Variants in HDAC8 observed in about 807,000 individuals in gnomAD.
HDAC8 encodes the protein histone deacetylase 8, also known as histone deacetylase-like 1.
HDAC8 carries 1 observed loss-of-function variant against 32.2 expected under a neutral mutation model. That is an observed-to-expected ratio of 0.03 (90% confidence interval 0.01 to 0.15). HDAC8 has a LOEUF of 0.15. HDAC8 is among the 10% of genes least tolerant of loss of function. HDAC8 has a pLI of 1.00. For missense variants in HDAC8, 117 were observed against 300.0 expected (o/e 0.39, Z 4.51); for synonymous variants, 108 against 113.9 (o/e 0.95, Z 0.33).
intron 4 of HDAC8, among the ~76,000 whole-genome samples, chrX:72,504,708 T>C (rs927075064): frequency 1.1e-4 from 12 of 112,195 alleles, no homozygotes; most frequent in Admixed American, 9.5e-5. Context: ...TTTTGAATAT[T>C]TATACTTAGA....
At chrX:72,437,985 A>C (rs1216240130) in intron 9 of HDAC8, among the ~76,000 whole-genome samples, 4 of 112,131 alleles carry the variant, frequency 3.6e-5, no homozygotes, top group Admixed American at 2.8e-4. Context: ...ACAGTGCTCG[A>C]GCTCTGCTAA....
chrX:72,331,643 T>A (rs896877441), intron 10 of HDAC8, among the ~76,000 whole-genome samples: 19 of 107,779 alleles, frequency 1.8e-4, no homozygotes, highest in South Asian at 7.7e-4. Context: ...AAAAAAAAAA[T>A]AGTGCAGAGA....
chrX:72,388,969 T>C (rs782618038), intron 9 of HDAC8, among the ~76,000 whole-genome samples: 1 of 112,218 alleles, frequency 8.9e-6, no homozygotes, highest in African/African-American at 3.2e-5. Context: ...CCATCAAGTT[T>C]ATGGTATTTT....
chrX:72,364,702 G>A (rs1192645073), intron 9 of HDAC8, among the ~76,000 whole-genome samples: 3 of 111,068 alleles, frequency 2.7e-5, no homozygotes, highest in South Asian at 7.7e-4. Flanking sequence ...CATCCTGAAC[G>A]TTCCTGATTT....
intron 6 of HDAC8, among the ~76,000 whole-genome samples, chrX:72,490,257 A>C (rs2048819729): frequency 9.0e-6 from 1 of 110,970 alleles, no homozygotes; most frequent in Non-Finnish European, 1.9e-5. Flanking sequence ...TACTGGGTAT[A>C]TACCCAAAGG....
At chrX:72,474,729 C>T (rs2048283294) in intron 7 of HDAC8, 2 of 1,144,822 alleles carry the variant, frequency 1.7e-6, no homozygotes, top group Non-Finnish European at 2.4e-6. Flanking sequence ...GAGGTTCGTA[C>T]CTGAGGAGGA....
intron 10 of HDAC8, among the ~76,000 whole-genome samples, chrX:72,334,635 G>C (rs2043628300): frequency 8.9e-6 from 1 of 111,764 alleles, no homozygotes; most frequent in African/African-American, 3.3e-5. Context: ...GTTAAATTTG[G>C]GCAAATGACT....
At chrX:72,394,022 C>T in intron 9 of HDAC8, among the ~76,000 whole-genome samples, 1 of 110,945 alleles carries the variant, frequency 9.0e-6, no homozygotes, top group East Asian at 2.8e-4. Context: ...TGCAGAGCCC[C>T]GCCACTGGAT....
At chrX:72,473,857 T>C in intron 7 of HDAC8, 2 of 754,599 alleles carry the variant, frequency 2.7e-6, no homozygotes, top group Non-Finnish European at 3.1e-6. Flanking sequence ...TTACAGAATA[T>C]GGTACAAATT....
At chrX:72,444,440 T>C (rs2047302322) in intron 9 of HDAC8, among the ~76,000 whole-genome samples, 1 of 111,639 alleles carries the variant, frequency 9.0e-6, no homozygotes, top group Admixed American at 9.5e-5. Flanking sequence ...AAAAACCACA[T>C]GATTATCTCA....
chrX:72,406,611 C>G (rs1180547549), intron 9 of HDAC8, among the ~76,000 whole-genome samples: 1 of 112,000 alleles, frequency 8.9e-6, no homozygotes, highest in Non-Finnish European at 1.9e-5. Context: ...GACTCCAAAC[C>G]TAGTTGCAGG....
intron 9 of HDAC8, among the ~76,000 whole-genome samples, chrX:72,378,328 A>G (rs1414675250): frequency 9.0e-6 from 1 of 111,321 alleles, no homozygotes; most frequent in Non-Finnish European, 1.9e-5. Context: ...TTCTTGCAGA[A>G]ATGGATTAGT....
chrX:72,484,394 CTATTTGTTGA>C (rs2048605433), intron 7 of HDAC8, among the ~76,000 whole-genome samples: 1 of 111,514 alleles, frequency 9.0e-6, no homozygotes, highest in African/African-American at 3.3e-5. Flanking sequence ...TTTATAAGTC[CTATTTGTTGA>C]GAAGTCTGTT....
rs1370985681 is a variant in HDAC8, at chrX:72,404,510, CA to C, written c.1006-52673del. On this transcript the variant is annotated intron_variant, in intron 9 of 10. Transcript: ENST00000373573. ...CATGCTTAACTTTTTTTTTCTTAGC[CA>C]AAGTCTTTTCTTTCTTGTATCTCAG... 1.3e-4 allele frequency among the ~76,000 whole-genome samples: 14 copies of C among 110,498 alleles called. No individual in the cohort carries two copies. In the East Asian group the frequency reaches 2.3e-3, roughly 18 times the overall value.
chrX:72,565,516 T>C (rs1556131681), intron 4 of HDAC8, among the ~76,000 whole-genome samples: 1 of 112,277 alleles, frequency 8.9e-6, no homozygotes, highest in South Asian at 3.7e-4. Context: ...TATCCCCATG[T>C]CTGTGTGCAG....
At chrX:72,418,727 T>C (rs1403099506) in intron 9 of HDAC8, among the ~76,000 whole-genome samples, 1 of 111,785 alleles carries the variant, frequency 8.9e-6, no homozygotes, top group Non-Finnish European at 1.9e-5. Flanking sequence ...TAAAGACACA[T>C]GCATTCATTG....
chrX:72,415,180 A>G (rs782327722), intron 9 of HDAC8, among the ~76,000 whole-genome samples: 32 of 112,311 alleles, frequency 2.8e-4, no homozygotes, highest in Non-Finnish European at 5.3e-4. Flanking sequence ...CTTCAGTACT[A>G]TTTATTGAAA....
chrX:72,540,971 G>T (rs1195339531), intron 4 of HDAC8, among the ~76,000 whole-genome samples: 3 of 111,504 alleles, frequency 2.7e-5, no homozygotes, highest in Admixed American at 9.6e-5. Context: ...GCCAGGTAGA[G>T]TTCTAGGCAG....
In HDAC8 at chrX:72,329,587, C is replaced by T. The variant is rs782137678; in HGVS notation, c.*467G>A. ...AAAACAACACCAGCGGACTTCTCCC[C>T]ACCTCCCAGTCTGCTGATCAGTACC... On this transcript the variant is annotated 3_prime_UTR_variant, in exon 11 of 11. Transcript: ENST00000373573. 2 of 1,009,421 alleles carry T rather than the reference C, an allele frequency of 2.0e-6. No individual in the cohort carries two copies. Among genetic ancestry groups the T allele is most frequent in the South Asian group, 2.2e-5 (1 of 45,928 alleles). 83.2% of individuals were successfully genotyped at this position (1,009,421 alleles called of 1,213,427 possible).
Sources: gnomAD v4.1 joint callset for allele counts (sites outside exome capture counted in the v4.1 genomes callset) on GRCh38, gnomAD v4.1.1 for gene constraint, MANE v1.5 for transcripts, NCBI Gene and HGNC (gene_info 2026-07-23, HGNC 2026-07-21) for gene names.